Variants in TRDMT1 observed in about 807,000 individuals in gnomAD.
The protein encoded by TRDMT1 is tRNA (cytosine(38)-C(5))-methyltransferase.
TRDMT1 carries 49 observed loss-of-function variants against 51.2 expected under a neutral mutation model. The observed-to-expected ratio is 0.96, with a 90% CI of 0.76 to 1.21. The LOEUF (loss-of-function observed/expected upper bound fraction) is 1.21, where lower values mean the gene tolerates loss of function less well. TRDMT1 is among the 50% of genes most tolerant of loss of function. The probability of loss-of-function intolerance (pLI) is 0.00; values close to 1 mark genes in which losing one functional copy is unlikely to be tolerated. For missense variants in TRDMT1, 534 were observed against 462.3 expected (o/e 1.16, Z -1.42); for synonymous variants, 187 against 164.6 (o/e 1.14, Z -1.04).
At chr10:17,169,021 G>T in intron 2 of TRDMT1, 104 bp from the exon 3 acceptor site, 1 of 766,320 alleles carries the variant, frequency 1.3e-6, no homozygotes, top group Non-Finnish European at 2.0e-6. Flanking sequence ...AACTGAAACA[G>T]TTTATAATAC....
intron 8 of TRDMT1, among the ~76,000 whole-genome samples, chr10:17,154,945 C>G (rs1013639873): frequency 1.8e-4 from 28 of 152,142 alleles, no homozygotes; most frequent in African/African-American, 5.8e-4. Flanking sequence ...ATGGGCCGGG[C>G]ACAGTGGCTA....
chr10:17,195,163 T>C (rs1373476831), intron 1 of TRDMT1, among the ~76,000 whole-genome samples: 2 of 152,122 alleles, frequency 1.3e-5, no homozygotes, highest in African/African-American at 4.8e-5. Context: ...AAGACACATA[T>C]ACTTGCATGT....
Position 17,160,751 on chromosome 10 carries a change from G to A in TRDMT1, c.390-377C>T, listed in dbSNP as rs188642246. ...CTCCCAAAGTGCTGGGATTACAGGC[G>A]TGAGCCACCGCGCCCGGCCCACAAA... On this transcript the variant is annotated intron_variant, in intron 5 of 10. Transcript: ENST00000377799. Among the ~76,000 whole-genome samples, 100 of 152,220 alleles carry A rather than the reference G, an allele frequency of 6.6e-4. No individual in the cohort carries two copies. The East Asian group carries it at 0.012, about 18-fold the overall frequency.
intron 4 of TRDMT1, 35 bp downstream of exon 4, chr10:17,162,131 G>T (rs2131437158): frequency 6.4e-7 from 1 of 1,556,152 alleles, no homozygotes; most frequent in Non-Finnish European, 8.8e-7. Flanking sequence ...AGTTTCAAAT[G>T]AAAGGTAAGC....
intron 1 of TRDMT1, among the ~76,000 whole-genome samples, chr10:17,191,558 G>A (rs1360641826): frequency 6.6e-6 from 1 of 152,144 alleles, no homozygotes; most frequent in Non-Finnish European, 1.5e-5. Context: ...CAACTGCTCT[G>A]GCAATGAGGG....
intron 1 of TRDMT1, among the ~76,000 whole-genome samples, chr10:17,177,208 A>ATTTTTTTT (rs1554763741): frequency 2.0e-5 from 3 of 149,422 alleles, no homozygotes; most frequent in African/African-American, 7.3e-5. Flanking sequence ...TTATTTATTT[A>ATTTTTTTT]TTTTTTGAGA....
chr10:17,186,804 C>T (rs577834802), intron 1 of TRDMT1, among the ~76,000 whole-genome samples: 2 of 152,152 alleles, frequency 1.3e-5, no homozygotes, highest in South Asian at 2.1e-4. Flanking sequence ...ATGATTAATT[C>T]GAACAAATAC....
chr10:17,174,617 G>A lies in TRDMT1; in HGVS notation c.108C>T (p.Asn36=), dbSNP rs1842419142. The change falls in exon 2 of 11, where the codon AAC becomes AAT. Residue 36 remains asparagine, a synonymous_variant. Coordinates refer to ENST00000377799, the MANE Select transcript of TRDMT1 (RefSeq NM_004412.7). The part of the protein sequence containing the change: ...PAQVVAAIDV[N]TVANEVYKYN... ...ACTTGTATACTTCATTAGCGACAGTGTTGACATCAATGGCAGCCACCACTT... is the reference window on the plus strand; with the variant it reads ...ACTTGTATACTTCATTAGCGACAGTATTGACATCAATGGCAGCCACCACTT... 6.2e-7 allele frequency: 1 copy of A among 1,613,940 alleles called. No homozygotes were observed. Among genetic ancestry groups the A allele is most frequent in the Admixed American group, 1.7e-5 (1 of 60,008 alleles).
At chr10:17,159,325 A>G (rs1839987025) in intron 6 of TRDMT1, 96 bp from the exon 7 acceptor site, 1 of 774,428 alleles carries the variant, frequency 1.3e-6, no homozygotes, top group African/African-American at 1.8e-5. Flanking sequence ...AAAAACTCAA[A>G]CGAGCCTACA....
At chr10:17,198,680 A>G (rs1845760780) in intron 1 of TRDMT1, among the ~76,000 whole-genome samples, 1 of 152,208 alleles carries the variant, frequency 6.6e-6, no homozygotes, top group Non-Finnish European at 1.5e-5. Context: ...ACAGGTACAG[A>G]GCTCTGTTTG....
At chr10:17,154,808 A>G in intron 8 of TRDMT1, 74 bp from the exon 9 acceptor site, 1 of 1,271,828 alleles carries the variant, frequency 7.9e-7, no homozygotes, top group Non-Finnish European at 1.1e-6. Context: ...TATTTATTGA[A>G]TGAATTAATC....
Position 17,146,658 on chromosome 10 carries a change from T to G in TRDMT1, c.*2382A>C, listed in dbSNP as rs546436868. On this transcript the variant is annotated 3_prime_UTR_variant, in exon 11 of 11. Coordinates refer to ENST00000377799, the MANE Select transcript of TRDMT1 (RefSeq NM_004412.7). Reference sequence around the variant, plus strand: ...AAAATCGGTTTACTGTAAGGTATGGTGAAGACTGAATTACACATAGTTCTC... The same window carrying G: ...AAAATCGGTTTACTGTAAGGTATGGGGAAGACTGAATTACACATAGTTCTC... The G allele has an allele frequency of 1.6e-5, 16 of 985,370 alleles. No individual in the cohort carries two copies. In the African/African-American group the frequency reaches 2.6e-4, roughly 16 times the overall value. 61.0% of individuals were successfully genotyped at this position (985,370 alleles called of 1,614,324 possible).
At chr10:17,151,283 A>G (rs1021119337) in intron 10 of TRDMT1, 11 of 982,936 alleles carry the variant, frequency 1.1e-5, no homozygotes, top group African/African-American at 3.5e-5. Flanking sequence ...AAAAATAACA[A>G]TAATAATCCT....
At chr10:17,191,917 C>T (rs7912064) in intron 1 of TRDMT1, among the ~76,000 whole-genome samples, 40,368 of 151,936 alleles carry the variant, frequency 0.27, 5,701 homozygotes, top group Middle Eastern at 0.36. Flanking sequence ...GACACTTCAC[C>T]TGAGTCCAGG....
At chr10:17,201,461 G>A (rs1846158386) in intron 1 of TRDMT1, 110 bp downstream of exon 1, 2 of 1,220,766 alleles carry the variant, frequency 1.6e-6, no homozygotes, top group Non-Finnish European at 2.3e-6. Flanking sequence ...CACAGTGTCC[G>A]CCCCACAGTG....
intron 3 of TRDMT1, 84 bp downstream of exon 3, chr10:17,168,757 T>C: frequency 1.1e-6 from 1 of 950,010 alleles, no homozygotes; most frequent in Non-Finnish European, 1.6e-6. Flanking sequence ...CCTCTTTCTT[T>C]TGTAAATTGC....
intron 1 of TRDMT1, among the ~76,000 whole-genome samples, chr10:17,201,031 T>A (rs1268465251): frequency 6.6e-6 from 1 of 152,236 alleles, no homozygotes; most frequent in Non-Finnish European, 1.5e-5. Context: ...GACACGTTTC[T>A]TTCCAACGAT....
chr10:17,166,481 G>T (rs1273941994), intron 3 of TRDMT1, among the ~76,000 whole-genome samples: 2 of 152,024 alleles, frequency 1.3e-5, no homozygotes, highest in Non-Finnish European at 2.9e-5. Flanking sequence ...TAACAAACAT[G>T]CACGTTGTGC....
chr10:17,152,200 C>T, intron 10 of TRDMT1: 1 of 778,392 alleles, frequency 1.3e-6, no homozygotes, highest in Non-Finnish European at 1.8e-6. Flanking sequence ...AATGCTGTCA[C>T]TCGTTTTGTG....
Sources: gnomAD v4.1 joint callset for allele counts (sites outside exome capture counted in the v4.1 genomes callset) on GRCh38, gnomAD v4.1.1 for gene constraint, MANE v1.5 for transcripts, NCBI Gene and HGNC (gene_info 2026-07-23, HGNC 2026-07-21) for gene names.